The following MBD5 variants were observed in gnomAD, a reference collection of about 807,000 sequenced individuals.
MBD5 encodes methyl-CpG-binding domain protein 5.
A neutral mutation model predicts 117.3 loss-of-function variants in MBD5; 13 were observed. The observed-to-expected ratio is 0.11, with a 90% confidence interval of 0.07 to 0.18. The LOEUF is 0.18. Ranked by LOEUF, MBD5 falls within the 10% of genes least tolerant of loss-of-function variation. The probability of loss-of-function intolerance (pLI) is 1.00; values close to 1 mark genes in which losing one functional copy is unlikely to be tolerated. For missense variants in MBD5, 1,879 were observed against 2,093.8 expected, an observed-to-expected ratio of 0.90 and a Z score of 2.00; for synonymous variants, 727 against 766.4, an observed-to-expected ratio of 0.95 and a Z score of 0.85.
intron 1 of MBD5, among the ~76,000 whole-genome samples, chr2:148,107,975 G>T (rs773737985): frequency 1.3e-4 from 20 of 152,126 alleles, no homozygotes; most frequent in Non-Finnish European, 2.5e-4. Flanking sequence ...TTGTTAGCTT[G>T]AGGTTTTGTG....
At chr2:148,194,591 C>T (rs1398248676) in intron 2 of MBD5, among the ~76,000 whole-genome samples, 2 of 101,016 alleles carry the variant, frequency 2.0e-5, no homozygotes, top group African/African-American at 6.4e-5. Flanking sequence ...AGCGGAATAT[C>T]ACACTCTGGG....
chr2:148,186,667 G>C (rs1182093100), intron 2 of MBD5, among the ~76,000 whole-genome samples: 2 of 152,172 alleles, frequency 1.3e-5, no homozygotes, highest in Admixed American at 1.3e-4. Context: ...TTTCCTTATA[G>C]TTTTTAACCA....
At chr2:148,510,531 A>C (rs1682185779) in intron 13 of MBD5, among the ~76,000 whole-genome samples, 1 of 152,254 alleles carries the variant, frequency 6.6e-6, no homozygotes, top group African/African-American at 2.4e-5. Context: ...GATCAAGAGT[A>C]TATAGACCTC....
chr2:148,333,577 C>T (rs529082537), intron 3 of MBD5, among the ~76,000 whole-genome samples: 1 of 151,966 alleles, frequency 6.6e-6, no homozygotes, highest in Non-Finnish European at 1.5e-5. Context: ...CACGGTGGCT[C>T]ACACCTATAA....
intron 3 of MBD5, among the ~76,000 whole-genome samples, chr2:148,337,285 T>G (rs951202880): frequency 2.0e-5 from 3 of 152,166 alleles, no homozygotes; most frequent in Admixed American, 2.0e-4. Context: ...TAGTGGTATG[T>G]TTTTACATAA....
At chr2:148,037,710 G>A (rs190243288) in intron 1 of MBD5, among the ~76,000 whole-genome samples, 24 of 151,998 alleles carry the variant, frequency 1.6e-4, no homozygotes, top group African/African-American at 5.5e-4. Flanking sequence ...AAAGTCCCAG[G>A]ACTTGAGAAG....
intron 4 of MBD5, chr2:148,347,419 T>A (rs1428209830): frequency 6.6e-6 from 1 of 152,034 alleles, no homozygotes; most frequent in Non-Finnish European, 1.5e-5. Flanking sequence ...TTATTTAATT[T>A]ACTATTTTAA....
chr2:148,187,826 G>C (rs1408626366), intron 2 of MBD5, among the ~76,000 whole-genome samples: 1 of 151,962 alleles, frequency 6.6e-6, no homozygotes, highest in African/African-American at 2.4e-5. Context: ...ATGGAAACTC[G>C]ATCTCTTCAG....
At chr2:148,133,963 C>T (rs1429331184) in intron 1 of MBD5, among the ~76,000 whole-genome samples, 1 of 151,920 alleles carries the variant, frequency 6.6e-6, no homozygotes, top group African/African-American at 2.4e-5. Flanking sequence ...TCAAAACTAA[C>T]ATTATATCAT....
chr2:148,095,695 C>T (rs1212007054), intron 1 of MBD5, among the ~76,000 whole-genome samples: 3 of 151,324 alleles, frequency 2.0e-5, no homozygotes, highest in Non-Finnish European at 4.4e-5. Context: ...ATGTATAATA[C>T]CTATTTTAAA....
At chr2:148,075,146 G>A (rs1384723801) in intron 1 of MBD5, among the ~76,000 whole-genome samples, 74 of 152,186 alleles carry the variant, frequency 4.9e-4, no homozygotes, top group Admixed American at 4.8e-3. Flanking sequence ...AATAGAATAA[G>A]GCAACTAAGG....
At chr2:148,256,137 C>T (rs185778682) in intron 3 of MBD5, among the ~76,000 whole-genome samples, 19 of 152,356 alleles carry the variant, frequency 1.2e-4, no homozygotes, top group East Asian at 9.7e-4. Flanking sequence ...TTACTTGTTG[C>T]GTAACATTGG....
At chr2:148,458,044 G>A (rs952373315) in intron 4 of MBD5, among the ~76,000 whole-genome samples, 159 bp from the exon 5 acceptor site, 7 of 152,156 alleles carry the variant, frequency 4.6e-5, no homozygotes, top group African/African-American at 1.7e-4. Context: ...AGTGGACTAA[G>A]TTGGAAGAAG....
At chr2:148,478,984 C>T (rs980952133) in intron 8 of MBD5, among the ~76,000 whole-genome samples, 3 of 152,144 alleles carry the variant, frequency 2.0e-5, no homozygotes, top group South Asian at 2.1e-4. Context: ...AAACATTTTT[C>T]CCCACGGTTT....
intron 3 of MBD5, among the ~76,000 whole-genome samples, chr2:148,332,956 A>G (rs1322690349): frequency 2.0e-5 from 3 of 151,534 alleles, no homozygotes; most frequent in South Asian, 2.1e-4. Context: ...TTTGTCTCCT[A>G]TGTTTGTTTT....
chr2:148,063,052 GT>G (rs1440164144), intron 1 of MBD5, among the ~76,000 whole-genome samples: 2 of 152,058 alleles, frequency 1.3e-5, no homozygotes, highest in Non-Finnish European at 2.9e-5. Context: ...ACCACTTTAT[GT>G]TTTAGTATTC....
rs573702734 is a variant in MBD5 at position 148,272,358 on chromosome 2, A to G, written c.-680+38963A>G. Among the ~76,000 whole-genome samples, 6 of 152,294 alleles carry G rather than the reference A, an allele frequency of 3.9e-5. No homozygotes were observed. In the South Asian group the frequency reaches 8.3e-4, roughly 21 times the overall value. On this transcript the variant is annotated intron_variant, in intron 3 of 13. Coordinates refer to ENST00000642680, the MANE Select transcript of MBD5 (RefSeq NM_001378120.1). ...TTTAAGTTTTTTGAGGAACTTCCAT[A>G]CTGTTTTCCATAATGACTATACTAA...
chr2:148,352,809 G>C (rs1015552746), intron 4 of MBD5, among the ~76,000 whole-genome samples: 3 of 151,988 alleles, frequency 2.0e-5, no homozygotes, highest in Admixed American at 6.6e-5. Flanking sequence ...TGGAATATTT[G>C]CATTATCAAA....
intron 4 of MBD5, among the ~76,000 whole-genome samples, chr2:148,369,422 G>A (rs577549991): frequency 6.6e-6 from 1 of 152,058 alleles, no homozygotes; most frequent in African/African-American, 2.4e-5. Flanking sequence ...AATTATGCAA[G>A]AGAATATCCC....
Sources: allele counts gnomAD v4.1 joint callset (sites outside exome capture counted in the v4.1 genomes callset), GRCh38; gene constraint gnomAD v4.1.1; transcripts MANE v1.5; gene names NCBI Gene and HGNC (gene_info 2026-07-23, HGNC 2026-07-21).